CFAP95: variants seen among roughly 807,000 people sequenced by gnomAD.
CFAP95 encodes cilia- and flagella-associated protein 95.
chr9:69,878,439 C>T, the CFAP95 span, among the ~76,000 whole-genome samples: 1 of 152,206 alleles, frequency 6.6e-6, no homozygotes, highest in East Asian at 1.9e-4. Context: ...TCCATATAAT[C>T]CCTGCCTGAT....
chr9:69,891,612 T>A, the CFAP95 span, among the ~76,000 whole-genome samples: 1 of 152,012 alleles, frequency 6.6e-6, no homozygotes, highest in Non-Finnish European at 1.5e-5. Context: ...CCCCATGATA[T>A]GAAATTTACC....
At chr9:69,845,157 C>A in the CFAP95 span, among the ~76,000 whole-genome samples, 14 of 152,166 alleles carry the variant, frequency 9.2e-5, no homozygotes, top group African/African-American at 3.4e-4. Context: ...TTAACAGTGT[C>A]ATAATGTTTG....
chr9:69,885,475 C>T, the CFAP95 span, among the ~76,000 whole-genome samples: 2 of 152,138 alleles, frequency 1.3e-5, no homozygotes, highest in Admixed American at 6.5e-5. Flanking sequence ...GAGTTCAGCT[C>T]TCTGCCTCCT....
At chr9:69,836,169 CA>C in the CFAP95 span, among the ~76,000 whole-genome samples, 1 of 152,102 alleles carries the variant, frequency 6.6e-6, no homozygotes, top group Non-Finnish European at 1.5e-5. Flanking sequence ...ATGTTCTCGT[CA>C]AAACAAAAAG....
the CFAP95 span, among the ~76,000 whole-genome samples, chr9:69,878,996 C>A: frequency 1.3e-5 from 2 of 152,026 alleles, no homozygotes; most frequent in East Asian, 1.9e-4. Context: ...CCAGATAGTG[C>A]GAGAACTCAC....
At chr9:69,825,632 G>C in the CFAP95 span, among the ~76,000 whole-genome samples, 1 of 152,120 alleles carries the variant, frequency 6.6e-6, no homozygotes, top group Non-Finnish European at 1.5e-5. Context: ...CATATCATCA[G>C]GTGATTCCAT....
At chr9:69,889,100 T>G in the CFAP95 span, among the ~76,000 whole-genome samples, 1 of 152,230 alleles carries the variant, frequency 6.6e-6, no homozygotes, top group South Asian at 2.1e-4. Flanking sequence ...GAGTCCATCT[T>G]GCTTCTACCA....
chr9:69,864,927 G>A, the CFAP95 span, among the ~76,000 whole-genome samples: 7 of 152,124 alleles, frequency 4.6e-5, no homozygotes, highest in Non-Finnish European at 1.0e-4. Flanking sequence ...AAGAAAAAAA[G>A]CTTCAAAAGT....
chr9:69,868,676 A>C, the CFAP95 span, among the ~76,000 whole-genome samples: 1 of 150,920 alleles, frequency 6.6e-6, no homozygotes, highest in African/African-American at 2.4e-5. Context: ...AAAAAAAAAA[A>C]ACCAAAAACA....
chr9:69,829,894 T>C, the CFAP95 span, among the ~76,000 whole-genome samples: 2 of 152,166 alleles, frequency 1.3e-5, no homozygotes, highest in African/African-American at 4.8e-5. Context: ...CCATTTTCTG[T>C]GTGTACTGGT....
At chr9:69,843,179 A>G in the CFAP95 span, among the ~76,000 whole-genome samples, 2 of 152,080 alleles carry the variant, frequency 1.3e-5, no homozygotes, top group Admixed American at 1.3e-4. Context: ...CCCCACACCT[A>G]CCAAAGTCCC....
chr9:69,852,827 A>G, the CFAP95 span, among the ~76,000 whole-genome samples: 27 of 152,170 alleles, frequency 1.8e-4, no homozygotes, highest in Non-Finnish European at 3.2e-4. Context: ...GTAATAGTGC[A>G]TAAGTCTCAT....
the CFAP95 span, among the ~76,000 whole-genome samples, chr9:69,893,680 G>T: frequency 1.4e-4 from 22 of 152,108 alleles, no homozygotes; most frequent in Non-Finnish European, 2.2e-4. Flanking sequence ...GAAAAATGAA[G>T]TATAAAAGCC....
chr9:69,893,045 G>C, the CFAP95 span, among the ~76,000 whole-genome samples: 3 of 152,178 alleles, frequency 2.0e-5, no homozygotes, highest in Non-Finnish European at 4.4e-5. Context: ...GGATACAGAG[G>C]GCTGTCACAC....
chr9:69,820,894 C>G, the CFAP95 span: 1 of 1,614,052 alleles, frequency 6.2e-7, no homozygotes, highest in Non-Finnish European at 8.5e-7. Flanking sequence ...ATAGCCTTGA[C>G]AGATCCTGCC....
the CFAP95 span, among the ~76,000 whole-genome samples, chr9:69,823,922 T>G: frequency 1.3e-5 from 2 of 152,116 alleles, no homozygotes; most frequent in Admixed American, 6.5e-5. Context: ...CAGGCCATTT[T>G]CACTTCTTTT....
the CFAP95 span, among the ~76,000 whole-genome samples, chr9:69,871,270 T>C: frequency 5.3e-5 from 8 of 152,032 alleles, no homozygotes; most frequent in South Asian, 1.5e-3. Flanking sequence ...GCAGGACCTA[T>C]GGGAGGCATG....
the CFAP95 span, among the ~76,000 whole-genome samples, chr9:69,826,801 CAATT>C: frequency 6.6e-6 from 1 of 152,046 alleles, no homozygotes; most frequent in Non-Finnish European, 1.5e-5. Context: ...AGTAGGTGCT[CAATT>C]AATGTTTCTC....
the CFAP95 span, among the ~76,000 whole-genome samples, chr9:69,877,645 C>T: frequency 3.9e-5 from 6 of 152,188 alleles, no homozygotes; most frequent in African/African-American, 7.2e-5. Context: ...TTTTATCCAA[C>T]AACCTTGCTG....
Sources: gnomAD v4.1 joint callset for allele counts (sites outside exome capture counted in the v4.1 genomes callset) on GRCh38, gnomAD v4.1.1 for gene constraint, MANE v1.5 for transcripts, NCBI Gene and HGNC (gene_info 2026-07-23, HGNC 2026-07-21) for gene names.